Variants in ALPK1 observed in about 807,000 individuals in gnomAD.
ALPK1 encodes the protein alpha-protein kinase 1.
Under a neutral mutation model 120.6 loss-of-function variants are expected in ALPK1, and 110 were observed. The ratio of observed to expected loss-of-function variants is 0.91; its 90% CI spans 0.78 to 1.07. The LOEUF (loss-of-function observed/expected upper bound fraction) is 1.07, where lower values mean the gene tolerates loss of function less well. Among genes scored for constraint, ALPK1 ranks in the 50% least tolerant of loss-of-function variants. The pLI, the probability that ALPK1 is intolerant of heterozygous loss-of-function variation, is 0.00. For missense variants in ALPK1, 1,498 were observed against 1,483.9 expected, an observed-to-expected ratio of 1.01 and a Z score of -0.16; for synonymous variants, 582 against 560.3, an observed-to-expected ratio of 1.04 and a Z score of -0.55.
At chr4:112,424,094 T>G in intron 6 of ALPK1, 91 bp downstream of exon 6, 1 of 1,253,628 alleles carries the variant, frequency 8.0e-7, no homozygotes, top group Non-Finnish European at 1.1e-6. Context: ...ATAGTTACTA[T>G]ACCTTAGATG....
At chr4:112,319,573 T>C (rs1560635045) in intron 2 of ALPK1, among the ~76,000 whole-genome samples, 1 of 152,238 alleles carries the variant, frequency 6.6e-6, no homozygotes, top group African/African-American at 2.4e-5. Context: ...TTTCTAATTC[T>C]GTGAAAAATG....
chr4:112,328,028 C>G (rs1578468660), intron 2 of ALPK1, among the ~76,000 whole-genome samples: 1 of 152,176 alleles, frequency 6.6e-6, no homozygotes, highest in Non-Finnish European at 1.5e-5. Context: ...ACCTTAAAAG[C>G]AATTTGTAAA....
chr4:112,423,902 T>C lies in ALPK1; in HGVS notation c.476-42T>C, dbSNP rs763571551. 18 of 1,603,904 alleles carry C rather than the reference T, an allele frequency of 1.1e-5. No homozygotes were observed. In the Admixed American group the frequency reaches 3.0e-4, roughly 27 times the overall value. On this transcript the variant is annotated intron_variant, in intron 5 of 15. Transcript: ENST00000650871. ...GAACAACTTGTAATTGTTAAGTGCA[T>C]GTTCAAAGCTAATTGTGTGGCATTT...
Position 112,441,092 on chromosome 4 carries a change from A to G in ALPK1, c.3714A>G (p.Ser1238=). The G allele has an allele frequency of 1.2e-6, 2 of 1,613,972 alleles. No individual in the cohort carries two copies. The highest frequency in any genetic ancestry group is 1.7e-6 in the Non-Finnish European group (2 of 1,179,880). The change falls in exon 15 of 16, where the codon TCA becomes TCG. Residue 1238 remains serine (S), a synonymous_variant. Transcript: ENST00000650871. The stretch of plus-strand genomic sequence containing the variant: ...ATCGTCTTTCTTTGACTAGACCTTC[A>G]ATGGAGAAACCATGTAAGTCATAGG... ...ICHRLSLTRP[S]MEKPCT is the part of the protein sequence containing the mutation.
chr4:112,333,229 G>C (rs537687451), intron 2 of ALPK1, among the ~76,000 whole-genome samples: 1 of 152,274 alleles, frequency 6.6e-6, no homozygotes, highest in East Asian at 1.9e-4. Context: ...CTTGCCTCTT[G>C]GTTTATGCCT....
intron 4 of ALPK1, 165 bp downstream of exon 4, chr4:112,382,717 A>T: frequency 1.0e-6 from 1 of 970,482 alleles, no homozygotes; most frequent in Non-Finnish European, 1.5e-6. Context: ...TTTGAAAAAC[A>T]TTACTTGCCC....
chr4:112,431,274 G>A lies in ALPK1; in HGVS notation c.1727G>A (p.Gly576Asp). The change falls in exon 11 of 16, where the codon GGC becomes GAC. Residue 576 changes from glycine to aspartate, a missense_variant. Coordinates refer to ENST00000650871, the MANE Select transcript of ALPK1 (RefSeq NM_025144.4). Reference protein sequence around the residue: ...EGAVFNKSLSGSQTSSAWSNL... With the variant: ...EGAVFNKSLSDSQTSSAWSNL... ...GCTGTTTTCAACAAGTCTCTGAGTGGCAGCCAGACTTCCAGTGCTTGGAGC... is the reference window on the plus strand; with the variant it reads ...GCTGTTTTCAACAAGTCTCTGAGTGACAGCCAGACTTCCAGTGCTTGGAGC... The A allele has an allele frequency of 6.2e-7, 1 of 1,614,166 alleles. No individual in the cohort carries two copies. Among genetic ancestry groups the A allele is most frequent in the South Asian group, 1.1e-5 (1 of 91,080 alleles).
chr4:112,313,833 G>A (rs2110535371), intron 1 of ALPK1, among the ~76,000 whole-genome samples: 1 of 152,280 alleles, frequency 6.6e-6, no homozygotes, highest in Middle Eastern at 3.4e-3. Flanking sequence ...AGTCTAATTA[G>A]AATGCGTTTA....
At chr4:112,394,997 G>A (rs995499231) in intron 4 of ALPK1, among the ~76,000 whole-genome samples, 2 of 152,172 alleles carry the variant, frequency 1.3e-5, no homozygotes, top group Admixed American at 6.5e-5. Context: ...ATAAGGAGCT[G>A]AAATAATATT....
intron 5 of ALPK1, among the ~76,000 whole-genome samples, chr4:112,421,075 C>A (rs1250453111): frequency 6.6e-6 from 1 of 152,066 alleles, no homozygotes; most frequent in African/African-American, 2.4e-5. Context: ...TCAGGTGATC[C>A]ACCCACCTCA....
At chr4:112,357,030 C>A in intron 2 of ALPK1, 1 of 812,854 alleles carries the variant, frequency 1.2e-6, no homozygotes, top group Non-Finnish European at 2.2e-6. Context: ...GAGTTCAGCG[C>A]GGACCCCACC....
chr4:112,364,527 C>CT (rs1256185208), intron 2 of ALPK1, among the ~76,000 whole-genome samples: 1 of 151,964 alleles, frequency 6.6e-6, no homozygotes, highest in Non-Finnish European at 1.5e-5. Flanking sequence ...AATAGAAACT[C>CT]TGAAAAGACC....
chr4:112,426,869 C>T (rs1262343633), intron 8 of ALPK1, among the ~76,000 whole-genome samples: 1 of 152,080 alleles, frequency 6.6e-6, no homozygotes, highest in Non-Finnish European at 1.5e-5. Context: ...TTGAGATGAC[C>T]AAGTTGCTTA....
intron 1 of ALPK1, among the ~76,000 whole-genome samples, chr4:112,307,531 T>C (rs1331026392): frequency 6.6e-6 from 1 of 152,108 alleles, no homozygotes; most frequent in Non-Finnish European, 1.5e-5. Context: ...TGATCTTTGT[T>C]GGTTTAAAGT....
At chr4:112,366,467 G>C (rs1578505028) in intron 2 of ALPK1, among the ~76,000 whole-genome samples, 1 of 152,220 alleles carries the variant, frequency 6.6e-6, no homozygotes, top group Admixed American at 6.5e-5. Context: ...CATCATTAAT[G>C]ATCAGGAAAA....
chr4:112,357,108 G>GCTC (rs1730665506), intron 2 of ALPK1: 1 of 1,178,968 alleles, frequency 8.5e-7, no homozygotes, highest in Non-Finnish European at 1.2e-6. Context: ...TGCCTGGAAG[G>GCTC]GGCCATCGAT....
At chr4:112,309,436 C>A (rs1323825288) in intron 1 of ALPK1, among the ~76,000 whole-genome samples, 1 of 152,188 alleles carries the variant, frequency 6.6e-6, no homozygotes, top group Non-Finnish European at 1.5e-5. Context: ...GCTACTCAAG[C>A]CTCAGCAATG....
intron 2 of ALPK1, chr4:112,358,819 ACTTTGCCAC>A: frequency 2.5e-6 from 2 of 814,552 alleles, no homozygotes; most frequent in Admixed American, 3.4e-5. Flanking sequence ...AGCCAAGCCA[ACTTTGCCAC>A]CTTCACCCAG....
intron 1 of ALPK1, among the ~76,000 whole-genome samples, chr4:112,306,868 G>T (rs1473457081): frequency 1.3e-5 from 2 of 152,012 alleles, no homozygotes; most frequent in Non-Finnish European, 2.9e-5. Context: ...GATCTTTCCT[G>T]CTTCCTCTTG....
Sources: allele counts gnomAD v4.1 joint callset (sites outside exome capture counted in the v4.1 genomes callset), GRCh38; gene constraint gnomAD v4.1.1; transcripts MANE v1.5; gene names NCBI Gene and HGNC (gene_info 2026-07-23, HGNC 2026-07-21).